ESRRG: variants seen among roughly 807,000 people sequenced by gnomAD.
ESRRG encodes estrogen-related receptor gamma.
A neutral mutation model predicts 44.0 loss-of-function variants in ESRRG; 13 were observed. The observed-to-expected ratio is 0.30, with a 90% CI of 0.19 to 0.47. ESRRG has a LOEUF of 0.47. Ranked by LOEUF, ESRRG falls within the 20% of genes least tolerant of loss-of-function variation. The pLI is 1.00. For missense variants in ESRRG, 395 were observed against 580.6 expected, an observed-to-expected ratio of 0.68 and a Z score of 3.29; for synonymous variants, 215 against 214.6, an observed-to-expected ratio of 1.00 and a Z score of -0.02.
intron 1 of ESRRG, among the ~76,000 whole-genome samples, chr1:216,701,246 C>G (rs1209340802): frequency 6.6e-6 from 1 of 152,142 alleles, no homozygotes; most frequent in Non-Finnish European, 1.5e-5. Flanking sequence ...ATAAATTTCT[C>G]TGGCTTTCAA....
At chr1:217,033,169 C>T (rs550014001) in intron 1 of ESRRG, among the ~76,000 whole-genome samples, 6 of 152,154 alleles carry the variant, frequency 3.9e-5, no homozygotes, top group Non-Finnish European at 7.4e-5. Context: ...ATGTAGTGGC[C>T]GATGCCCAGG....
At chr1:216,520,562 TA>T (rs2045779431) in intron 5 of ESRRG, among the ~76,000 whole-genome samples, 1 of 152,192 alleles carries the variant, frequency 6.6e-6, no homozygotes, top group Admixed American at 6.5e-5. Flanking sequence ...ATCTGTATTC[TA>T]AAGTGAAGAT....
At chr1:216,560,751 G>A (rs2058567357) in intron 5 of ESRRG, among the ~76,000 whole-genome samples, 2 of 152,056 alleles carry the variant, frequency 1.3e-5, no homozygotes, top group South Asian at 4.1e-4. Context: ...CAGTACCTCC[G>A]TATCTACATA....
chr1:216,545,860 TC>T, intron 5 of ESRRG, among the ~76,000 whole-genome samples: 1 of 152,186 alleles, frequency 6.6e-6, no homozygotes, highest in Non-Finnish European at 1.5e-5. Flanking sequence ...AATGTACTGC[TC>T]GGTCACAGAG....
chr1:216,738,123 A>G (rs2090207706), intron 2 of ESRRG, among the ~76,000 whole-genome samples: 1 of 151,452 alleles, frequency 6.6e-6, no homozygotes, highest in Admixed American at 6.6e-5. Flanking sequence ...CCTGGGTCTC[A>G]CCCAGTGAAA....
At chr1:216,994,356 G>A (rs5017053) in intron 1 of ESRRG, among the ~76,000 whole-genome samples, 55,740 of 151,950 alleles carry the variant, frequency 0.37, 11,343 homozygotes, top group Non-Finnish European at 0.47. Context: ...CATCTTGGAG[G>A]CATTAAAGGA....
intron 3 of ESRRG, among the ~76,000 whole-genome samples, chr1:216,594,472 T>C (rs192031067): frequency 9.2e-5 from 14 of 152,288 alleles, no homozygotes; most frequent in Non-Finnish European, 1.8e-4. Flanking sequence ...AGGGATCTAC[T>C]CTAGAGGGAA....
intron 1 of ESRRG, among the ~76,000 whole-genome samples, chr1:217,039,676 A>G (rs117046531): frequency 0.013 from 2,027 of 152,344 alleles, 24 homozygotes; most frequent in East Asian, 0.059. Flanking sequence ...ACGCAGGGCC[A>G]AACCACTTCA....
chr1:217,044,023 GAA>G (rs372572138), intron 1 of ESRRG, among the ~76,000 whole-genome samples: 1 of 150,880 alleles, frequency 6.6e-6, no homozygotes, highest in Non-Finnish European at 1.5e-5. Context: ...AATAAAAATA[GAA>G]AAAAAAAGTG....
At chr1:217,113,454 A>G (rs2092682548) in intron 1 of ESRRG, among the ~76,000 whole-genome samples, 1 of 152,112 alleles carries the variant, frequency 6.6e-6, no homozygotes, top group African/African-American at 2.4e-5. Flanking sequence ...GGGGCAGGTA[A>G]CTTATCTTCA....
chr1:217,092,500 A>G (rs1360944561), upstream of ESRRG, among the ~76,000 whole-genome samples: 1 of 152,196 alleles, frequency 6.6e-6, no homozygotes, highest in African/African-American at 2.4e-5. Context: ...TGGGGTTCAA[A>G]TTAAAGTGTC....
In ESRRG at chr1:216,651,096, C is replaced by A. The variant is rs1388924135; in HGVS notation, c.473-7G>T. 7.7e-6 allele frequency: 12 copies of A among 1,561,778 alleles called. No individual in the cohort carries two copies. Among genetic ancestry groups the A allele is most frequent in the Non-Finnish European group, 9.7e-6 (11 of 1,132,768 alleles). On this transcript the variant is annotated splice_polypyrimidine_tract_variant and splice_region_variant and intron_variant, in intron 2 of 6. Coordinates refer to ENST00000408911, the MANE Select transcript of ESRRG (RefSeq NM_001438.4). Reference sequence around the variant, plus strand: ...CAGCTGTATTCTATATTGCCTAAAACACAAGTTTGAAGAAAAGTTGTCATA... The same window carrying A: ...CAGCTGTATTCTATATTGCCTAAAAAACAAGTTTGAAGAAAAGTTGTCATA...
intron 3 of ESRRG, among the ~76,000 whole-genome samples, chr1:216,570,377 A>C (rs190595786): frequency 6.6e-6 from 1 of 152,202 alleles, no homozygotes; most frequent in Non-Finnish European, 1.5e-5. Flanking sequence ...CAGCAGATGT[A>C]TTCCTTTGTT....
chr1:216,797,334 G>T (rs957509270), intron 2 of ESRRG, among the ~76,000 whole-genome samples: 2 of 152,036 alleles, frequency 1.3e-5, no homozygotes, highest in African/African-American at 4.8e-5. Context: ...GGATCCCACC[G>T]AGGATGAGGA....
chr1:216,806,949 A>G (rs1425294317), intron 2 of ESRRG, among the ~76,000 whole-genome samples: 3 of 152,156 alleles, frequency 2.0e-5, no homozygotes, highest in Non-Finnish European at 2.9e-5. Context: ...AAGGAATCCT[A>G]TCTGTGAGGC....
intron 1 of ESRRG, among the ~76,000 whole-genome samples, chr1:217,021,933 T>C (rs1016286481): frequency 1.3e-4 from 20 of 152,298 alleles, no homozygotes; most frequent in African/African-American, 4.6e-4. Context: ...AGCTCTTAAA[T>C]GTCCTCCCAT....
At chr1:216,512,123 G>A (rs187979994) in intron 6 of ESRRG, among the ~76,000 whole-genome samples, 2 of 152,278 alleles carry the variant, frequency 1.3e-5, no homozygotes, top group East Asian at 1.9e-4. Context: ...TCAGCCCCCA[G>A]TGATTAATAA....
intron 1 of ESRRG, among the ~76,000 whole-genome samples, chr1:216,693,716 CT>C (rs11572683): frequency 0.18 from 27,149 of 152,126 alleles, 3,128 homozygotes; most frequent in Middle Eastern, 0.27. Context: ...TACAATCATA[CT>C]TTTTTTCTAA....
At chr1:216,996,058 A>T (rs1303560004) in intron 1 of ESRRG, among the ~76,000 whole-genome samples, 1 of 152,190 alleles carries the variant, frequency 6.6e-6, no homozygotes, top group Non-Finnish European at 1.5e-5. Flanking sequence ...AGGGCAGTTT[A>T]TCCCCTTGCT....
Sources: gnomAD v4.1 joint callset for allele counts (sites outside exome capture counted in the v4.1 genomes callset) on GRCh38, gnomAD v4.1.1 for gene constraint, MANE v1.5 for transcripts, NCBI Gene and HGNC (gene_info 2026-07-23, HGNC 2026-07-21) for gene names.